The following KIF13B variants were observed in gnomAD, a reference collection of about 807,000 sequenced individuals.
KIF13B encodes kinesin-like protein KIF13B.
Under a neutral mutation model 222.0 loss-of-function variants are expected in KIF13B, and 127 were observed. The ratio of observed to expected loss-of-function variants is 0.57; its 90% confidence interval spans 0.50 to 0.66. The LOEUF (loss-of-function observed/expected upper bound fraction) is 0.66, where lower values mean the gene tolerates loss of function less well. KIF13B is among the 30% of genes least tolerant of loss of function. The pLI, the probability that KIF13B is intolerant of heterozygous loss-of-function variation, is 0.00. For missense variants in KIF13B, 2,173 were observed against 2,379.0 expected, an observed-to-expected ratio of 0.91 and a Z score of 1.80; for synonymous variants, 976 against 919.0, an observed-to-expected ratio of 1.06 and a Z score of -1.12.
chr8:29,124,880 T>TC (rs1258417191), intron 26 of KIF13B, among the ~76,000 whole-genome samples: 25 of 106,408 alleles, frequency 2.3e-4, no homozygotes, highest in African/African-American at 9.6e-4. Context: ...CAAAACTCCA[T>TC]CCCAAAAAAA....
chr8:29,162,318 A>G (rs1049920329), intron 12 of KIF13B, among the ~76,000 whole-genome samples: 1 of 152,250 alleles, frequency 6.6e-6, no homozygotes, highest in African/African-American at 2.4e-5. Flanking sequence ...TAATTTATAC[A>G]ATCACTGCAA....
chr8:29,229,088 TAAAAAAAAAAAAAA>T (rs370080449), intron 2 of KIF13B, among the ~76,000 whole-genome samples: 2 of 94,692 alleles, frequency 2.1e-5, no homozygotes, highest in Non-Finnish European at 3.9e-5. Flanking sequence ...ATGTCAGCTT[TAAAAAAAAAAAAAA>T]AAAAAAAAAG....
intron 1 of KIF13B, among the ~76,000 whole-genome samples, chr8:29,251,212 G>T (rs1363421095): frequency 3.9e-5 from 6 of 152,076 alleles, no homozygotes; most frequent in Non-Finnish European, 8.8e-5. Context: ...CTTAAATTTA[G>T]CCTGGAAAAA....
At chr8:29,105,142 AT>A (rs898782383) in intron 35 of KIF13B, among the ~76,000 whole-genome samples, 1 of 150,410 alleles carries the variant, frequency 6.6e-6, no homozygotes, top group Non-Finnish European at 1.5e-5. Flanking sequence ...AATTTTTTAA[AT>A]TTTTTTTTGC....
intron 37 of KIF13B, among the ~76,000 whole-genome samples, chr8:29,080,144 C>T (rs747924021): frequency 7.9e-5 from 12 of 151,978 alleles, no homozygotes; most frequent in Non-Finnish European, 1.6e-4. Flanking sequence ...GAGTTCGAGA[C>T]CAGCCTGGAA....
At chr8:29,206,950 T>C (rs1813973268) in intron 2 of KIF13B, among the ~76,000 whole-genome samples, 1 of 152,090 alleles carries the variant, frequency 6.6e-6, no homozygotes, top group South Asian at 2.1e-4. Flanking sequence ...GTGGGCCATG[T>C]GGCTGATGGG....
At chr8:29,107,515 C>T (rs1050656379) in intron 35 of KIF13B, among the ~76,000 whole-genome samples, 2 of 150,696 alleles carry the variant, frequency 1.3e-5, no homozygotes, top group Admixed American at 6.6e-5. Context: ...GTGACAAGAG[C>T]GAAACATCAT....
At chr8:29,253,048 G>A (rs1023190802) in intron 1 of KIF13B, among the ~76,000 whole-genome samples, 1 of 152,198 alleles carries the variant, frequency 6.6e-6, no homozygotes, top group African/African-American at 2.4e-5. Flanking sequence ...CAGGTTAGGA[G>A]AGGAGATGTG....
chr8:29,099,320 A>G, intron 35 of KIF13B, 79 bp from the exon 36 acceptor site: 2 of 930,292 alleles, frequency 2.1e-6, no homozygotes, highest in South Asian at 3.1e-5. Context: ...TACTCAAGAA[A>G]AAAAACTGTT....
intron 10 of KIF13B, among the ~76,000 whole-genome samples, chr8:29,170,838 G>A (rs1214897535): frequency 6.6e-6 from 1 of 152,238 alleles, no homozygotes; most frequent in African/African-American, 2.4e-5. Context: ...AACACTTTGG[G>A]AGGCCAAGGC....
chr8:29,250,131 G>T, intron 1 of KIF13B: 1 of 982,180 alleles, frequency 1.0e-6, no homozygotes, highest in Non-Finnish European at 1.4e-6. Flanking sequence ...AATCTACTGT[G>T]ACTCACCACC....
chr8:29,203,069 T>C lies in KIF13B; in HGVS notation c.150-6870A>G, dbSNP rs138474364. Among the ~76,000 whole-genome samples, 56 of 152,306 alleles carry C rather than the reference T, an allele frequency of 3.7e-4. 1 individual carries two copies. The East Asian group carries it at 7.5e-3, about 20-fold the overall frequency. ...TGCTTATGTAGGACCACTCGGTTTGTCTCATGATAGAATAAACTTTTACAT... is the reference window on the plus strand; with the variant it reads ...TGCTTATGTAGGACCACTCGGTTTGCCTCATGATAGAATAAACTTTTACAT... On this transcript the variant is annotated intron_variant, in intron 2 of 39. Coordinates refer to ENST00000524189, the MANE Select transcript of KIF13B (RefSeq NM_015254.4).
At chr8:29,075,464 C>T (rs975921089) in intron 37 of KIF13B, 121 bp from the exon 38 acceptor site, 13 of 830,446 alleles carry the variant, frequency 1.6e-5, no homozygotes, top group East Asian at 5.5e-5. Flanking sequence ...ATCAGGTGTG[C>T]GAGTGTGAGG....
chr8:29,195,064 A>G (rs1813356253), intron 3 of KIF13B, among the ~76,000 whole-genome samples: 1 of 152,132 alleles, frequency 6.6e-6, no homozygotes, highest in African/African-American at 2.4e-5. Flanking sequence ...CCTGGCCAAC[A>G]TGGTGAAACC....
In KIF13B at chr8:29,147,526, C is replaced by T. The variant is rs1254963401; in HGVS notation, c.1890G>A (p.Arg630=). The T allele has an allele frequency of 2.5e-6, 4 of 1,613,806 alleles. No homozygotes were observed. The South Asian group carries it at 4.4e-5, about 18-fold the overall frequency. ...GCTCCAATTCGTGCTCATACATAAG[C>T]CTCTGGCGCTCCAGTGCAGATCGTT... ...EEKRSALERQ[R]LMYEHELEQL... The change falls in exon 17 of 40, where the codon AGG becomes AGA. Residue 630 remains arginine (R), a synonymous_variant. Coordinates refer to ENST00000524189, the MANE Select transcript of KIF13B (RefSeq NM_015254.4).
At chr8:29,100,604 C>T (rs770554629) in intron 35 of KIF13B, among the ~76,000 whole-genome samples, 4 of 152,116 alleles carry the variant, frequency 2.6e-5, no homozygotes, top group African/African-American at 4.8e-5. Context: ...CCACCATGCC[C>T]GGCTAATTTT....
chr8:29,114,317 T>C (rs1376869151), intron 31 of KIF13B, among the ~76,000 whole-genome samples: 2 of 152,194 alleles, frequency 1.3e-5, no homozygotes, highest in Non-Finnish European at 2.9e-5. Context: ...TAGACATACA[T>C]CATTTCACAA....
At chr8:29,173,991 T>A (rs56193060) in intron 10 of KIF13B, among the ~76,000 whole-genome samples, 6,851 of 150,260 alleles carry the variant, frequency 0.046, 327 homozygotes, top group African/African-American at 0.11. Flanking sequence ...TAAAAAAAAA[T>A]TTTTTAAATA....
At chr8:29,204,000 A>C (rs1181570086) in intron 2 of KIF13B, among the ~76,000 whole-genome samples, 1 of 152,160 alleles carries the variant, frequency 6.6e-6, no homozygotes, top group Non-Finnish European at 1.5e-5. Flanking sequence ...TAGAAAAGGA[A>C]GGTTGTTTGA....
Sources: gnomAD v4.1 joint callset for allele counts (sites outside exome capture counted in the v4.1 genomes callset) on GRCh38, gnomAD v4.1.1 for gene constraint, MANE v1.5 for transcripts, NCBI Gene and HGNC (gene_info 2026-07-23, HGNC 2026-07-21) for gene names.